The following SLC4A2 variants were observed in gnomAD, a reference collection of about 807,000 sequenced individuals.
SLC4A2 encodes the protein anion exchange protein 2.
SLC4A2 carries 36 observed loss-of-function variants against 115.0 expected under a neutral mutation model. That is an observed-to-expected ratio of 0.31 (90% CI 0.24 to 0.41). SLC4A2 has a LOEUF of 0.41. Ranked by LOEUF, SLC4A2 falls within the 10% of genes least tolerant of loss-of-function variation. The pLI, the probability that SLC4A2 is intolerant of heterozygous loss-of-function variation, is 1.00. For missense variants in SLC4A2, 1,252 were observed against 1,705.6 expected (o/e 0.73, Z 4.68); for synonymous variants, 708 against 708.3 (o/e 1.00, Z 0.01).
At chr7:151,063,196 G>T (rs1227163727) in intron 2 of SLC4A2, 1 of 1,425,682 alleles carries the variant, frequency 7.0e-7, no homozygotes, top group Admixed American at 2.8e-5. Context: ...TCAGGTGGGG[G>T]CTGTGGGGGT....
At chr7:151,068,465 A>T (rs934906232) in intron 8 of SLC4A2, among the ~76,000 whole-genome samples, 1 of 152,134 alleles carries the variant, frequency 6.6e-6, no homozygotes, top group African/African-American at 2.4e-5. Context: ...AGTTGTTGTT[A>T]AAAGGCCTGT....
Position 151,071,656 on chromosome 7 carries a change from C to T in SLC4A2, c.2192-33C>T. On this transcript the variant is annotated intron_variant, in intron 14 of 22. Coordinates refer to ENST00000413384, the MANE Select transcript of SLC4A2 (RefSeq NM_003040.4). The surrounding 1 kb of genome is among the most constrained non-coding windows in gnomAD (Gnocchi z 5.5). Reference sequence around the variant, plus strand: ...CGGCGGGGACTGCCCAGGGCCTGGCCACCAGCTCCTGAGCTGGTTCCTACA... The same window carrying T: ...CGGCGGGGACTGCCCAGGGCCTGGCTACCAGCTCCTGAGCTGGTTCCTACA... 3 of 1,612,280 alleles carry T rather than the reference C, an allele frequency of 1.9e-6. No homozygotes were observed. Among genetic ancestry groups the T allele is most frequent in the Non-Finnish European group, 2.5e-6 (3 of 1,179,034 alleles).
At position 151,074,469 on chromosome 7, in the gene SLC4A2, T is replaced by A. The variant is rs202145444; in HGVS notation, c.2861T>A (p.Ile954Asn). The A allele has an allele frequency of 8.7e-6, 14 of 1,613,930 alleles. No individual in the cohort carries two copies. Among genetic ancestry groups the A allele is most frequent in the Middle Eastern group, 1.6e-4 (1 of 6,084 alleles). Residue 954 changes from isoleucine to asparagine, a missense_variant, in exon 18 of 23, where the codon ATT (isoleucine) becomes AAT (asparagine). By Grantham distance (149) the Ile-to-Asn change is moderately radical. This residue lies in a region of SLC4A2 where 253 missense variants were observed against 407.4 expected (regional missense o/e 0.62). Coordinates refer to ENST00000413384, the MANE Select transcript of SLC4A2 (RefSeq NM_003040.4). ...ATCATGGTGCTTGTGGATTACAGTA[T>A]TGAGGACACCTATACCCAGGTAAGG... Reference protein sequence around the residue: ...ILIMVLVDYSIEDTYTQKLSV... With the variant: ...ILIMVLVDYSNEDTYTQKLSV...
intron 7 of SLC4A2, among the ~76,000 whole-genome samples, chr7:151,067,560 T>G (rs1797276676): frequency 6.6e-6 from 1 of 152,274 alleles, no homozygotes; most frequent in Non-Finnish European, 1.5e-5. Flanking sequence ...GCCATTGCTT[T>G]CATATACAGT....
chr7:151,064,065 T>G, intron 2 of SLC4A2, 137 bp from the exon 3 acceptor site: 3 of 787,502 alleles, frequency 3.8e-6, no homozygotes, highest in Non-Finnish European at 6.1e-6. Context: ...GCTGGGGGCA[T>G]ATAGAGCCAC....
rs1300068439 is a variant in SLC4A2 at position 151,066,978 on chromosome 7, C to A, written c.951C>A (p.Pro317=). The A allele has an allele frequency of 1.0e-5, 16 of 1,602,394 alleles. No individual in the cohort carries two copies. Among genetic ancestry groups the A allele is most frequent in the Non-Finnish European group, 1.3e-5 (15 of 1,175,590 alleles). The part of the protein sequence containing the change: ...GPTPRARPRA[P]HKPHEVFVEL... The stretch of plus-strand genomic sequence containing the variant: ...CACCTCGGGCCCGACCCCGGGCCCC[C>A]CACAAGCCCCATGAGGTACCATGCT... The change falls in exon 7 of 23, where the codon CCC becomes CCA. Residue 317 remains proline, a synonymous_variant. Transcript: ENST00000413384.
intron 5 of SLC4A2, 101 bp downstream of exon 5, chr7:151,065,067 AG>A (rs1308103329): frequency 1.1e-6 from 1 of 879,220 alleles, no homozygotes; most frequent in Non-Finnish European, 1.9e-6. Flanking sequence ...TCACCAGGCC[AG>A]GGTTCAAATC....
chr7:151,058,761 C>CA (rs1263928807), upstream of SLC4A2: 1 of 152,326 alleles, frequency 6.6e-6, no homozygotes, highest in East Asian at 1.9e-4. Context: ...GCTCAACTTG[C>CA]AGCAGCCTCT....
chr7:151,062,865 T>G, intron 2 of SLC4A2: 4 of 1,383,512 alleles, frequency 2.9e-6, no homozygotes, highest in Non-Finnish European at 2.8e-6. Flanking sequence ...GTTCTGCCAG[T>G]CCCAGCTGCT....
chr7:151,062,560 C>T (rs1797086979), intron 2 of SLC4A2: 2 of 1,432,088 alleles, frequency 1.4e-6, no homozygotes, highest in African/African-American at 1.5e-5. Context: ...ATTGGTCACA[C>T]TGGCCCAGAG....
Position 151,070,347 on chromosome 7 carries a change from G to T in SLC4A2, c.1449+1G>T. On this transcript the variant is annotated splice_donor_variant, in intron 10 of 22. Transcript: ENST00000413384. LOFTEE classifies it high-confidence loss of function. Reference sequence around the variant, plus strand: ...GACCCGGCTGGAGGTGGAGCGAGAGGTGAGGGGAGAACCAGCCCTGCCTGG... The same window carrying T: ...GACCCGGCTGGAGGTGGAGCGAGAGTTGAGGGGAGAACCAGCCCTGCCTGG... The T allele has an allele frequency of 6.2e-7, 1 of 1,610,634 alleles. No homozygotes were observed. The highest frequency in any genetic ancestry group is 8.5e-7 in the Non-Finnish European group (1 of 1,177,976).
At chr7:151,073,860 CCA>C in intron 16 of SLC4A2, 177 bp from the exon 17 acceptor site, 3 of 658,736 alleles carry the variant, frequency 4.6e-6, no homozygotes, top group Non-Finnish European at 7.6e-6. Flanking sequence ...CTTTTCTGCC[CCA>C]CACTGCCCTG....
Position 151,060,755 on chromosome 7 carries a change from G to T in SLC4A2, c.-64+993G>T, listed in dbSNP as rs1797018277. 6.6e-6 allele frequency among the ~76,000 whole-genome samples: 1 copy of T among 152,200 alleles called. No homozygotes were observed. Among genetic ancestry groups the T allele is most frequent in the South Asian group, 2.1e-4 (1 of 4,836 alleles). ...CGCCCTGGCTGAAGGCCTGCTGAGG[G>T]GGAGGGGAAGAGCGTGGTTAGCCAA... On this transcript the variant is annotated intron_variant, in intron 1 of 22. Transcript: ENST00000413384. The surrounding 1 kb of genome is among the most constrained non-coding windows in gnomAD (Gnocchi z 5.9).
At position 151,064,283 on chromosome 7, in the gene SLC4A2, G is replaced by A. The variant is rs773608940; in HGVS notation, c.133G>A (p.Glu45Lys). 10 of 1,612,330 alleles carry A rather than the reference G, an allele frequency of 6.2e-6. No individual in the cohort carries two copies. Among genetic ancestry groups the A allele is most frequent in the Non-Finnish European group, 8.5e-6 (10 of 1,179,940 alleles). The stretch of plus-strand genomic sequence containing the variant: ...CGAACTTCACCGCACCCTGGGCGTG[G>A]AGCGGTTTGAGGAGATCCTACAGGA... The part of the protein sequence containing the change: ...EDELHRTLGV[E>K]RFEEILQEAG... Residue 45 changes from glutamate to lysine, a missense_variant, in exon 3 of 23, where the codon GAG becomes AAG. Coordinates refer to ENST00000413384, the MANE Select transcript of SLC4A2 (RefSeq NM_003040.4).
chr7:151,062,492 C>T, intron 2 of SLC4A2: 1 of 1,367,772 alleles, frequency 7.3e-7, no homozygotes, highest in Non-Finnish European at 9.4e-7. Context: ...CACATGGCCC[C>T]CTTTGGATTT....
Position 151,071,045 on chromosome 7 carries a change from T to C in SLC4A2, c.1750-27T>C. ...GCCCTCAGCCCTCTTCTTTGTGCTC[T>C]CCCCCATCCCCATGCTGCTTTGGCA... On this transcript the variant is annotated intron_variant, in intron 12 of 22. Coordinates refer to ENST00000413384, the MANE Select transcript of SLC4A2 (RefSeq NM_003040.4). The surrounding 1 kb of genome is among the most constrained non-coding windows in gnomAD (Gnocchi z 5.5). 1 of 1,609,928 alleles carries C rather than the reference T, an allele frequency of 6.2e-7. No homozygotes were observed. The highest frequency in any genetic ancestry group is 8.5e-7 in the Non-Finnish European group (1 of 1,178,098).
Position 151,074,471 on chromosome 7 carries a change from G to A in SLC4A2, c.2863G>A (p.Glu955Lys). 6.2e-7 allele frequency: 1 copy of A among 1,614,000 alleles called. No individual in the cohort carries two copies. The highest frequency in any genetic ancestry group is 8.5e-7 in the Non-Finnish European group (1 of 1,180,010). ...CATGGTGCTTGTGGATTACAGTATT[G>A]AGGACACCTATACCCAGGTAAGGTG... ...LIMVLVDYSI[E>K]DTYTQKLSVP... The change falls in exon 18 of 23, where the codon GAG (glutamate) becomes AAG (lysine). Residue 955 changes from glutamate (E) to lysine (K), a missense_variant. Physicochemically the swap from Glu to Lys is moderately conservative, Grantham distance 56 (BLOSUM62 1). This residue lies in a region of SLC4A2 where 253 missense variants were observed against 407.4 expected (regional missense o/e 0.62). Transcript: ENST00000413384.
In SLC4A2 at chr7:151,074,203, G is replaced by A. The variant is rs766157989; in HGVS notation, c.2700G>A (p.Thr900=). ...GGAAGCCCCGGGGCCAGCCCAACAC[G>A]GCCCTGCTGTCGCTGGTGCTCATGG... The part of the protein sequence containing the change: ...GQGKPRGQPN[T]ALLSLVLMAG... Residue 900 remains threonine (T), a synonymous_variant, in exon 17 of 23, where the codon ACG becomes ACA. Transcript: ENST00000413384. The A allele has an allele frequency of 1.7e-5, 27 of 1,612,948 alleles. No homozygotes were observed. The highest frequency in any genetic ancestry group is 1.1e-4 in the African/African-American group (8 of 74,954).
intron 5 of SLC4A2, 120 bp from the exon 6 acceptor site, chr7:151,066,397 T>G (rs1019632100): frequency 7.4e-6 from 9 of 1,209,796 alleles, no homozygotes; most frequent in Admixed American, 5.9e-5. Flanking sequence ...CTCCCGGGAG[T>G]GGGAGCTAGG....
Sources: gnomAD v4.1 joint callset for allele counts (sites outside exome capture counted in the v4.1 genomes callset) on GRCh38, gnomAD v4.1.1 for gene constraint, gnomAD v4.1.1 regional missense constraint, Gnocchi (gnomAD v3.1) non-coding constraint, MANE v1.5 for transcripts, NCBI Gene and HGNC (gene_info 2026-07-23, HGNC 2026-07-21) for gene names.